Variants in HOMER1 observed in about 807,000 individuals in gnomAD.
HOMER1 encodes the protein homer protein homolog 1.
HOMER1 carries 3 observed loss-of-function variants against 48.9 expected under a neutral mutation model. The ratio of observed to expected loss-of-function variants is 0.06; its 90% CI spans 0.03 to 0.16. HOMER1 has a LOEUF of 0.16. Among genes scored for constraint, HOMER1 ranks in the 10% least tolerant of loss-of-function variants. The pLI is 1.00. For synonymous variants in HOMER1, 134 were observed against 146.4 expected (o/e 0.92, Z 0.61); for missense variants, 247 against 411.4 (o/e 0.60, Z 3.46).
chr5:79,450,480 C>A (rs752256757), intron 3 of HOMER1, among the ~76,000 whole-genome samples: 1 of 152,140 alleles, frequency 6.6e-6, no homozygotes, highest in Non-Finnish European at 1.5e-5. Context: ...TCTAAAAATT[C>A]CTCATGATGT....
intron 1 of HOMER1, among the ~76,000 whole-genome samples, chr5:79,503,593 C>T (rs941285469): frequency 3.3e-5 from 5 of 149,990 alleles, no homozygotes; most frequent in African/African-American, 1.2e-4. Flanking sequence ...GTAATCTCAG[C>T]ACTTTGGGAG....
At chr5:79,384,441 G>A (rs1165336633) in intron 8 of HOMER1, among the ~76,000 whole-genome samples, 2 of 152,190 alleles carry the variant, frequency 1.3e-5, no homozygotes, top group East Asian at 3.9e-4. Flanking sequence ...AACTTACCAA[G>A]ATTTGAATCA....
At chr5:79,479,035 CG>C (rs1269290142) in intron 1 of HOMER1, among the ~76,000 whole-genome samples, 10 of 152,144 alleles carry the variant, frequency 6.6e-5, no homozygotes, top group African/African-American at 2.4e-4. Flanking sequence ...TTGAAAATGA[CG>C]CAAGTTTTAA....
intron 1 of HOMER1, chr5:79,511,054 T>C (rs1299162325): frequency 1.7e-5 from 5 of 285,898 alleles, no homozygotes; most frequent in Non-Finnish European, 2.6e-5. Flanking sequence ...CTTGGTAAAA[T>C]GACAGGCATT....
intron 8 of HOMER1, among the ~76,000 whole-genome samples, chr5:79,396,605 T>C (rs1007042995): frequency 6.6e-6 from 1 of 152,050 alleles, no homozygotes; most frequent in African/African-American, 2.4e-5. Flanking sequence ...CTAAATAATT[T>C]ACAATTTATA....
intron 5 of HOMER1, among the ~76,000 whole-genome samples, chr5:79,434,753 G>GATATA (rs58013792): frequency 0.63 from 95,702 of 151,490 alleles, 33,363 homozygotes; most frequent in East Asian, 0.99. Flanking sequence ...TTATGACAAG[G>GATATA]ATACAGTACT....
At chr5:79,393,431 C>A (rs920538507) in intron 8 of HOMER1, among the ~76,000 whole-genome samples, 4 of 152,208 alleles carry the variant, frequency 2.6e-5, no homozygotes, top group African/African-American at 9.6e-5. Flanking sequence ...AGATATTCCA[C>A]ATGCTCTAAG....
At chr5:79,499,896 T>C (rs1477796332) in intron 1 of HOMER1, among the ~76,000 whole-genome samples, 1 of 152,230 alleles carries the variant, frequency 6.6e-6, no homozygotes, top group Non-Finnish European at 1.5e-5. Flanking sequence ...GGTTCTTGCA[T>C]ATTTTTCATC....
chr5:79,485,525 G>A (rs1246164388), intron 1 of HOMER1, among the ~76,000 whole-genome samples: 1 of 152,178 alleles, frequency 6.6e-6, no homozygotes, highest in South Asian at 2.1e-4. Flanking sequence ...TCCTTAGTGC[G>A]AATGTAATAC....
intron 4 of HOMER1, among the ~76,000 whole-genome samples, chr5:79,444,407 TATTAA>T (rs1476773663): frequency 6.6e-6 from 1 of 152,208 alleles, no homozygotes; most frequent in Non-Finnish European, 1.5e-5. Context: ...GGCTTCTGTA[TATTAA>T]ATTGACAATT....
chr5:79,510,403 C>T (rs941958517), intron 1 of HOMER1: 31 of 614,354 alleles, frequency 5.0e-5, no homozygotes, highest in South Asian at 3.4e-4. Context: ...AGATTCTAGG[C>T]GCTTCAGGAG....
chr5:79,405,396 T>A (rs545310693), intron 5 of HOMER1, among the ~76,000 whole-genome samples: 13 of 152,344 alleles, frequency 8.5e-5, no homozygotes, highest in Non-Finnish European at 1.8e-4. Flanking sequence ...AGCAAACTAA[T>A]AAACATAATT....
chr5:79,458,606 C>T (rs1222805222), intron 1 of HOMER1, among the ~76,000 whole-genome samples: 1 of 151,984 alleles, frequency 6.6e-6, no homozygotes, highest in Non-Finnish European at 1.5e-5. Context: ...AAGTGAGGTA[C>T]CTTCCCTGTA....
At chr5:79,459,928 G>A (rs989761573) in intron 1 of HOMER1, among the ~76,000 whole-genome samples, 5 of 152,140 alleles carry the variant, frequency 3.3e-5, no homozygotes, top group African/African-American at 9.6e-5. Context: ...TGAAAAAATA[G>A]AGAATGAAAA....
At chr5:79,434,781 A>G (rs1489123742) in intron 5 of HOMER1, among the ~76,000 whole-genome samples, 1 of 152,176 alleles carries the variant, frequency 6.6e-6, no homozygotes, top group East Asian at 1.9e-4. Context: ...TTGACTAAGG[A>G]GTATTGAGCA....
At chr5:79,483,753 TAAA>T (rs70975754) in intron 1 of HOMER1, among the ~76,000 whole-genome samples, 37 of 133,846 alleles carry the variant, frequency 2.8e-4, no homozygotes, top group Admixed American at 7.3e-4. Context: ...ACCGTTTAAG[TAAA>T]AAAAAAAAAA....
intron 8 of HOMER1, among the ~76,000 whole-genome samples, chr5:79,377,886 G>GA (rs977539006): frequency 3.3e-5 from 5 of 150,700 alleles, no homozygotes; most frequent in Non-Finnish European, 5.9e-5. Flanking sequence ...GATAAAGAAT[G>GA]AAAAAAAAAT....
At chr5:79,495,218 C>A (rs1752387860) in intron 1 of HOMER1, among the ~76,000 whole-genome samples, 1 of 152,152 alleles carries the variant, frequency 6.6e-6, no homozygotes, top group Admixed American at 6.5e-5. Flanking sequence ...ATGACATAGT[C>A]ATGATCTGGC....
chr5:79,402,112 G>A, intron 5 of HOMER1, 57 bp from the exon 6 acceptor site: 1 of 1,408,678 alleles, frequency 7.1e-7, no homozygotes, highest in Non-Finnish European at 9.8e-7. Flanking sequence ...TTACCTTGAA[G>A]GGACAGCAAG....
Sources: gnomAD v4.1 joint callset for allele counts (sites outside exome capture counted in the v4.1 genomes callset) on GRCh38, gnomAD v4.1.1 for gene constraint, MANE v1.5 for transcripts, NCBI Gene and HGNC (gene_info 2026-07-23, HGNC 2026-07-21) for gene names.